Variants in SYAP1 observed in about 807,000 individuals in gnomAD.
The protein encoded by SYAP1 is synapse-associated protein 1.
In SYAP1, 3 loss-of-function variants were observed where a neutral mutation model predicts 29.6. That is an observed-to-expected ratio of 0.10 (90% confidence interval 0.05 to 0.26). The LOEUF (loss-of-function observed/expected upper bound fraction) is 0.26. Among genes scored for constraint, SYAP1 ranks in the 10% least tolerant of loss-of-function variants. The pLI is 1.00. For missense variants in SYAP1, 217 were observed against 264.1 expected (o/e 0.82, Z 1.24); for synonymous variants, 102 against 102.7 (o/e 0.99, Z 0.04).
intron 5 of SYAP1, among the ~76,000 whole-genome samples, chrX:16,744,337 C>T (rs1359175204): frequency 8.9e-6 from 1 of 112,535 alleles, no homozygotes; most frequent in Non-Finnish European, 1.9e-5. Context: ...ACAGGGGCCA[C>T]CTTCCCCGCT....
chrX:16,739,168 T>C lies in SYAP1; in HGVS notation c.362-2548T>C, dbSNP rs956046675. Among the ~76,000 whole-genome samples, 45 of 111,631 alleles carry C rather than the reference T, an allele frequency of 4.0e-4. 2 individuals carry two copies. Among genetic ancestry groups the C allele is most frequent in the Non-Finnish European group, 3.8e-5 (2 of 53,163 alleles). The stretch of plus-strand genomic sequence containing the variant: ...TGGGGGCTTTACCCTAATTTTTTCT[T>C]TAAAATGTGCAAATATGTTTAGATT... On this transcript the variant is annotated intron_variant, in intron 3 of 8. Coordinates refer to ENST00000380155, the MANE Select transcript of SYAP1 (RefSeq NM_032796.4).
chrX:16,748,083 CA>C (rs757887229), intron 5 of SYAP1, among the ~76,000 whole-genome samples: 2,696 of 92,608 alleles, frequency 0.029, 49 homozygotes, highest in Middle Eastern at 0.06. Flanking sequence ...AACTCCGTCT[CA>C]AAAAAAAAAA....
chrX:16,732,994 C>T (rs1334656123), intron 1 of SYAP1, among the ~76,000 whole-genome samples: 3 of 112,082 alleles, frequency 2.7e-5, no homozygotes, highest in African/African-American at 9.7e-5. Flanking sequence ...GGAGGGAACA[C>T]ATCTCAGGAC....
intron 5 of SYAP1, among the ~76,000 whole-genome samples, chrX:16,749,559 A>G (rs1441962655): frequency 9.0e-6 from 1 of 111,595 alleles, no homozygotes; most frequent in Non-Finnish European, 1.9e-5. Context: ...AGTGCCCATG[A>G]TCTACCATAG....
chrX:16,732,573 G>A (rs1170761512), intron 1 of SYAP1, among the ~76,000 whole-genome samples: 4 of 111,199 alleles, frequency 3.6e-5, no homozygotes, highest in African/African-American at 6.5e-5. Flanking sequence ...CGCCCAGCCC[G>A]GTCACTGGCT....
rs186980979 is a variant in SYAP1 at position 16,743,070 on chromosome X, G to A, written c.436-631G>A. On this transcript the variant is annotated intron_variant, in intron 4 of 8. Transcript: ENST00000380155. ...AGGCCAGGTGCAGTGGCTCACACCT[G>A]TAATCCCAGCACTTTGGGAGGCCAA... is the stretch of plus-strand genomic sequence containing the variant. Among the ~76,000 whole-genome samples the A allele has an allele frequency of 9.7e-3, 1,066 of 109,421 alleles. 5 individuals carry two copies. The highest frequency in any genetic ancestry group is 0.061 in the Middle Eastern group (13 of 212).
intron 4 of SYAP1, among the ~76,000 whole-genome samples, chrX:16,742,221 G>T (rs1926480488): frequency 1.0e-5 from 1 of 95,328 alleles, no homozygotes; most frequent in African/African-American, 4.0e-5. Context: ...GCACGATCTC[G>T]GCTCACTGCA....
intron 5 of SYAP1, among the ~76,000 whole-genome samples, chrX:16,751,513 AAAAAAAAAACAAC>A: frequency 9.8e-6 from 1 of 102,067 alleles, no homozygotes; most frequent in Middle Eastern, 5.0e-3. Flanking sequence ...TCTACTTGCC[AAAAAAAAAACAAC>A]AAAAAAAAAT....
intron 4 of SYAP1, among the ~76,000 whole-genome samples, chrX:16,742,343 G>T (rs1454930809): frequency 1.8e-5 from 2 of 108,982 alleles, no homozygotes; most frequent in Non-Finnish European, 3.8e-5. Flanking sequence ...GTAGAGACGG[G>T]GTTTCACCAT....
At chrX:16,742,383 CT>C (rs1277770482) in intron 4 of SYAP1, among the ~76,000 whole-genome samples, 3 of 109,301 alleles carry the variant, frequency 2.7e-5, no homozygotes, top group Admixed American at 2.0e-4. Context: ...AACTCCTGAT[CT>C]CGTGATCCAC....
intron 1 of SYAP1, among the ~76,000 whole-genome samples, chrX:16,724,924 T>C (rs1331178556): frequency 8.9e-6 from 1 of 111,804 alleles, no homozygotes; most frequent in Non-Finnish European, 1.9e-5. Context: ...ATTCATTCTC[T>C]GGGGCTGGCC....
intron 6 of SYAP1, among the ~76,000 whole-genome samples, chrX:16,755,507 C>G (rs141637128): frequency 0.018 from 1,973 of 109,242 alleles, 54 homozygotes; most frequent in African/African-American, 0.063. Flanking sequence ...ATCTTCCCCC[C>G]CTCTCATTTT....
intron 1 of SYAP1, among the ~76,000 whole-genome samples, chrX:16,726,819 C>T (rs1183511943): frequency 9.0e-6 from 1 of 111,238 alleles, no homozygotes; most frequent in Non-Finnish European, 1.9e-5. Flanking sequence ...AGAGGCAGCA[C>T]CTGCTGAAAC....
At chrX:16,742,871 C>T (rs1387213165) in intron 4 of SYAP1, among the ~76,000 whole-genome samples, 2 of 108,551 alleles carry the variant, frequency 1.8e-5, no homozygotes, top group African/African-American at 3.3e-5. Flanking sequence ...TGCCCAACTT[C>T]CCAAAGTGCT....
At chrX:16,745,350 C>T (rs1022671978) in intron 5 of SYAP1, among the ~76,000 whole-genome samples, 4 of 111,996 alleles carry the variant, frequency 3.6e-5, no homozygotes, top group African/African-American at 1.3e-4. Context: ...ATGGGCAGAG[C>T]AGGGCAGGGC....
chrX:16,756,651 C>T lies in SYAP1; in HGVS notation c.725-12C>T, dbSNP rs375320707. 5.8e-6 allele frequency: 7 copies of T among 1,203,851 alleles called. No individual in the cohort carries two copies. Among genetic ancestry groups the T allele is most frequent in the African/African-American group, 5.3e-5 (3 of 57,090 alleles). The stretch of plus-strand genomic sequence containing the variant: ...CCAAGCAATTATTGTCTCTCTTATT[C>T]TCACTTCTTAGAGGCAGTACGGCCC... On this transcript the variant is annotated splice_polypyrimidine_tract_variant and intron_variant, in intron 6 of 8. Coordinates refer to ENST00000380155, the MANE Select transcript of SYAP1 (RefSeq NM_032796.4).
intron 1 of SYAP1, among the ~76,000 whole-genome samples, chrX:16,733,099 G>GAC (rs1215907006): frequency 1.8e-5 from 2 of 111,559 alleles, no homozygotes; most frequent in Non-Finnish European, 3.8e-5. Flanking sequence ...AGAGAGAGCA[G>GAC]ACAAAAATGT....
At chrX:16,727,082 A>C (rs1445919447) in intron 1 of SYAP1, among the ~76,000 whole-genome samples, 2 of 111,241 alleles carry the variant, frequency 1.8e-5, no homozygotes, top group Non-Finnish European at 3.8e-5. Flanking sequence ...AACATCAGGC[A>C]TAGAATTTAA....
At chrX:16,725,518 C>A (rs955829745) in intron 1 of SYAP1, among the ~76,000 whole-genome samples, 1 of 111,850 alleles carries the variant, frequency 8.9e-6, no homozygotes, top group Non-Finnish European at 1.9e-5. Context: ...CTGTCTTCAA[C>A]GTGGTGTCAG....
Sources: allele counts gnomAD v4.1 joint callset (sites outside exome capture counted in the v4.1 genomes callset), GRCh38; gene constraint gnomAD v4.1.1; transcripts MANE v1.5; gene names NCBI Gene and HGNC (gene_info 2026-07-23, HGNC 2026-07-21).